The following RYR3 variants were observed in gnomAD, a reference collection of about 807,000 sequenced individuals.
RYR3 encodes brain ryanodine receptor-calcium release channel.
A neutral mutation model predicts 584.3 loss-of-function variants in RYR3; 207 were observed. The observed-to-expected ratio is 0.35, with a 90% CI of 0.32 to 0.40. RYR3 has a LOEUF of 0.40. Ranked by LOEUF, RYR3 falls within the 10% of genes least tolerant of loss-of-function variation. The probability of loss-of-function intolerance (pLI) is 1.00; values close to 1 mark genes in which losing one functional copy is unlikely to be tolerated. For missense variants in RYR3, 5,616 were observed against 6,089.2 expected, an observed-to-expected ratio of 0.92 and a Z score of 2.59; for synonymous variants, 2,416 against 2,248.5, an observed-to-expected ratio of 1.07 and a Z score of -2.11.
intron 1 of RYR3, among the ~76,000 whole-genome samples, chr15:33,408,287 G>A (rs7175746): frequency 1.3e-5 from 2 of 152,092 alleles, no homozygotes. Context: ...AATTTGCTTA[G>A]GATAATGGCC....
chr15:33,860,329 C>G (rs1193309411), intron 100 of RYR3, among the ~76,000 whole-genome samples: 3 of 151,960 alleles, frequency 2.0e-5, no homozygotes, highest in Non-Finnish European at 4.4e-5. Flanking sequence ...AAATAGGAGA[C>G]CAACCAGGGA....
At chr15:33,461,429 A>G (rs1278798461) in intron 1 of RYR3, among the ~76,000 whole-genome samples, 2 of 152,272 alleles carry the variant, frequency 1.3e-5, no homozygotes, top group East Asian at 3.9e-4. Context: ...TGATTCTTTT[A>G]GTAGATACTT....
At chr15:33,601,877 A>T (rs550336744) in intron 17 of RYR3, among the ~76,000 whole-genome samples, 1 of 152,288 alleles carries the variant, frequency 6.6e-6, no homozygotes, top group African/African-American at 2.4e-5. Context: ...TAATATATTC[A>T]TATTTATTTT....
Position 33,356,948 on chromosome 15 carries a change from T to C in RYR3, c.51+45852T>C, listed in dbSNP as rs549758199. On this transcript the variant is annotated intron_variant, in intron 1 of 103. Coordinates refer to ENST00000634891, the MANE Select transcript of RYR3 (RefSeq NM_001036.6). The stretch of plus-strand genomic sequence containing the variant: ...CTAGGTAATGTATCCTGGATGCTTC[T>C]TTGGAAAGGAGTGATTCCTTATGGC... Among the ~76,000 whole-genome samples, 5 of 152,328 alleles carry C rather than the reference T, an allele frequency of 3.3e-5. No individual in the cohort carries two copies. The East Asian group carries it at 9.7e-4, about 29-fold the overall frequency.
In RYR3 at chr15:33,794,052, A is replaced by AAATATATACATAATATATATTATATAT. The variant is rs1567183767; in HGVS notation, c.9830+5607_9830+5608insTATATATTATATATAATATATACATAA. On this transcript the variant is annotated intron_variant, in intron 67 of 103. Transcript: ENST00000634891. ...AATATATACATAAATACATATATAT[A>AAATATATACATAATATATATTATATAT]AATATATACATAAATAAATATATAT... 2.0e-4 allele frequency among the ~76,000 whole-genome samples: 15 copies of AAATATATACATAATATATATTATATAT among 76,642 alleles called. No homozygotes were observed. In the East Asian group the frequency reaches 2.9e-3, roughly 15 times the overall value. 50.3% of individuals were successfully genotyped at this position (76,642 alleles called of 152,430 possible). A position where few individuals can be genotyped will look rare whatever the true frequency, so the allele number is the denominator to read the frequency against.
intron 74 of RYR3, among the ~76,000 whole-genome samples, chr15:33,814,891 ACT>A (rs1162975482): frequency 9.1e-6 from 1 of 109,472 alleles, no homozygotes; most frequent in Non-Finnish European, 1.8e-5. Flanking sequence ...ACAGAACAAG[ACT>A]CTGTCTCAAA....
At chr15:33,394,734 T>C (rs987972281) in intron 1 of RYR3, among the ~76,000 whole-genome samples, 4 of 152,238 alleles carry the variant, frequency 2.6e-5, no homozygotes, top group African/African-American at 9.6e-5. Context: ...CTGGGGCTTT[T>C]ACCAACCAAA....
intron 43 of RYR3, among the ~76,000 whole-genome samples, chr15:33,711,910 A>G (rs974954095): frequency 2.6e-5 from 4 of 152,160 alleles, no homozygotes; most frequent in Non-Finnish European, 2.9e-5. Context: ...CAATACCCCA[A>G]TCTTTGGTAC....
At chr15:33,782,564 C>T (rs1046150053) in intron 65 of RYR3, among the ~76,000 whole-genome samples, 2 of 149,466 alleles carry the variant, frequency 1.3e-5, no homozygotes, top group Middle Eastern at 3.2e-3. Flanking sequence ...TATCTAGAGC[C>T]GGAGAATGAC....
At chr15:33,453,187 T>G (rs2047270964) in intron 1 of RYR3, among the ~76,000 whole-genome samples, 1 of 152,218 alleles carries the variant, frequency 6.6e-6, no homozygotes, top group African/African-American at 2.4e-5. Flanking sequence ...CATCCATTTG[T>G]TGGCTTAAGA....
Position 33,838,874 on chromosome 15 carries a change from G to A in RYR3, c.12894G>A (p.Val4298=), listed in dbSNP as rs1281811904. The A allele has an allele frequency of 1.2e-6, 2 of 1,613,958 alleles. No individual in the cohort carries two copies. The highest frequency in any genetic ancestry group is 1.7e-6 in the Non-Finnish European group (2 of 1,179,856). Residue 4298 remains valine (V), a synonymous_variant, in exon 89 of 104, where the codon GTG becomes GTA. Transcript: ENST00000634891. ...KEGSLKHGPE[V]GLGDLSEIIG... ...GCAGCTTAAAGCATGGGCCTGAAGT[G>A]GGTTTGGGTGACCTCTCAGAAATTA...
At position 33,770,101 on chromosome 15, in the gene RYR3, A is replaced by T. The variant is rs146375177; in HGVS notation, c.8816+929A>T. On this transcript the variant is annotated intron_variant, in intron 62 of 103. Transcript: ENST00000634891. ...CAGGAGTTCAAGACCAGCCTGAATA[A>T]TGTAGAGAGACCTCATCTTTAAAAA... Among the ~76,000 whole-genome samples the T allele has an allele frequency of 2.9e-4, 43 of 149,556 alleles. 2 individuals carry two copies. In the East Asian group the frequency reaches 8.2e-3, roughly 29 times the overall value.
At chr15:33,602,484 T>G (rs1373180847) in intron 17 of RYR3, among the ~76,000 whole-genome samples, 1 of 152,118 alleles carries the variant, frequency 6.6e-6, no homozygotes, top group Non-Finnish European at 1.5e-5. Context: ...AAAATAAGGG[T>G]GCTTATACCA....
intron 73 of RYR3, 74 bp from the exon 74 acceptor site, chr15:33,813,393 T>G (rs1030940392): frequency 4.6e-6 from 6 of 1,308,560 alleles, no homozygotes; most frequent in Admixed American, 1.7e-5. Context: ...TGAAGAAGTC[T>G]GGGCTACAGG....
At chr15:33,645,071 A>G (rs1019189748) in intron 28 of RYR3, among the ~76,000 whole-genome samples, 9 of 152,106 alleles carry the variant, frequency 5.9e-5, no homozygotes, top group Non-Finnish European at 1.3e-4. Context: ...ATTCAAGATT[A>G]TATATACTGA....
intron 3 of RYR3, among the ~76,000 whole-genome samples, chr15:33,511,863 C>T (rs2053046132): frequency 1.3e-5 from 2 of 152,202 alleles, no homozygotes; most frequent in South Asian, 4.1e-4. Context: ...ACTGCAAGCT[C>T]CACCTCCCGG....
chr15:33,817,089 A>T, intron 75 of RYR3, 131 bp downstream of exon 75: 3 of 579,876 alleles, frequency 5.2e-6, no homozygotes, highest in Non-Finnish European at 9.3e-6. Flanking sequence ...CTAACTGTGT[A>T]AGTGCTCAGG....
chr15:33,627,530 A>G (rs931878069), intron 20 of RYR3, among the ~76,000 whole-genome samples: 3 of 152,150 alleles, frequency 2.0e-5, no homozygotes, highest in African/African-American at 7.2e-5. Context: ...GGGAGTATTA[A>G]TAAGGGTTAA....
chr15:33,852,989 T>G, intron 94 of RYR3, 56 bp from the exon 95 acceptor site: 1 of 1,455,286 alleles, frequency 6.9e-7, no homozygotes, highest in East Asian at 2.3e-5. Flanking sequence ...CGTTTCTTGA[T>G]GTGTTTTCCT....
Sources: gnomAD v4.1 joint callset for allele counts (sites outside exome capture counted in the v4.1 genomes callset) on GRCh38, gnomAD v4.1.1 for gene constraint, MANE v1.5 for transcripts, NCBI Gene and HGNC (gene_info 2026-07-23, HGNC 2026-07-21) for gene names.